Variants in TTC27 observed in about 807,000 individuals in gnomAD.
The protein encoded by TTC27 is tetratricopeptide repeat protein 27.
A neutral mutation model predicts 115.9 loss-of-function variants in TTC27; 79 were observed. That is an observed-to-expected ratio of 0.68 (90% CI 0.57 to 0.82). TTC27 has a LOEUF of 0.82. TTC27 is among the 40% of genes least tolerant of loss of function. TTC27 has a pLI of 0.00. For missense variants in TTC27, 1,054 were observed against 993.1 expected, an observed-to-expected ratio of 1.06 and a Z score of -0.82; for synonymous variants, 401 against 356.0, an observed-to-expected ratio of 1.13 and a Z score of -1.42.
chr2:32,748,951 G>T (rs1331240413), intron 12 of TTC27, among the ~76,000 whole-genome samples: 1 of 152,070 alleles, frequency 6.6e-6, no homozygotes, highest in African/African-American at 2.4e-5. Flanking sequence ...GCTTCCCAAA[G>T]TGCTGGGATT....
rs1328889040 is a variant in TTC27 at position 32,628,177 on chromosome 2, G to A, written c.-116G>A. On this transcript the variant is annotated 5_prime_UTR_variant, in exon 1 of 20. Transcript: ENST00000317907. ...ATTCTAGGGCCGCAGGTGTATTTAC[G>A]GTAACTGTCGCCACTAGATTTCAGC... The A allele has an allele frequency of 1.4e-5, 13 of 933,370 alleles. No individual in the cohort carries two copies. Among genetic ancestry groups the A allele is most frequent in the Non-Finnish European group, 2.2e-5 (13 of 600,618 alleles). 57.8% of individuals were successfully genotyped at this position (933,370 alleles called of 1,614,324 possible).
chr2:32,801,973 G>C lies in TTC27; in HGVS notation c.1999-9051G>C, dbSNP rs1670958623. 2.6e-5 allele frequency among the ~76,000 whole-genome samples: 4 copies of C among 152,216 alleles called. No homozygotes were observed. In the South Asian group the frequency reaches 8.3e-4, roughly 32 times the overall value. On this transcript the variant is annotated intron_variant, in intron 16 of 19. Coordinates refer to ENST00000317907, the MANE Select transcript of TTC27 (RefSeq NM_017735.5). Reference sequence around the variant, plus strand: ...GGTCATGTGGGACAAATTAGGATTTGTGAGAAGTTTCTGTTATTAGTCTTC... The same window carrying C: ...GGTCATGTGGGACAAATTAGGATTTCTGAGAAGTTTCTGTTATTAGTCTTC...
At chr2:32,809,598 A>G (rs1365815945) in intron 16 of TTC27, among the ~76,000 whole-genome samples, 1 of 152,214 alleles carries the variant, frequency 6.6e-6, no homozygotes, top group Non-Finnish European at 1.5e-5. Flanking sequence ...ACTGACTAGC[A>G]TGGTGTTACA....
Position 32,727,026 on chromosome 2 carries a change from A to G in TTC27, c.1234-6802A>G, listed in dbSNP as rs150417211. On this transcript the variant is annotated intron_variant, in intron 10 of 19. Coordinates refer to ENST00000317907, the MANE Select transcript of TTC27 (RefSeq NM_017735.5). ...AGGAAAAACTTGCCCCCGTGATTCA[A>G]TTACCTCCCACCGGGTCCCTCCCAC... Among the ~76,000 whole-genome samples, 524 of 152,242 alleles carry G rather than the reference A, an allele frequency of 3.4e-3. 1 individual carries two copies. The highest frequency in any genetic ancestry group is 4.9e-3 in the Non-Finnish European group (333 of 68,010).
chr2:32,693,375 C>T (rs190352032), intron 9 of TTC27, among the ~76,000 whole-genome samples: 2 of 152,294 alleles, frequency 1.3e-5, no homozygotes, highest in Non-Finnish European at 2.9e-5. Context: ...TGGAATTTCT[C>T]CGGCTCCACC....
intron 10 of TTC27, among the ~76,000 whole-genome samples, chr2:32,708,327 A>G (rs866299902): frequency 1.1e-4 from 2 of 18,104 alleles, no homozygotes; most frequent in Non-Finnish European, 2.1e-4. Context: ...TTTTTTTTTT[A>G]ATGAGATGGA....
intron 12 of TTC27, among the ~76,000 whole-genome samples, chr2:32,743,351 A>T (rs1392490816): frequency 6.6e-6 from 1 of 152,062 alleles, no homozygotes; most frequent in Non-Finnish European, 1.5e-5. Flanking sequence ...CTACCTTTTC[A>T]CTGGAGGCTC....
chr2:32,694,026 T>C (rs1478103525), intron 9 of TTC27, among the ~76,000 whole-genome samples: 2 of 152,214 alleles, frequency 1.3e-5, no homozygotes, highest in Non-Finnish European at 2.9e-5. Flanking sequence ...ACCACCGTTG[T>C]AGAGGCTTTT....
chr2:32,638,292 T>A (rs1216889826), intron 3 of TTC27, among the ~76,000 whole-genome samples: 1 of 152,212 alleles, frequency 6.6e-6, no homozygotes, highest in Non-Finnish European at 1.5e-5. Flanking sequence ...TCATATTAAA[T>A]CTTTATTCCT....
intron 5 of TTC27, among the ~76,000 whole-genome samples, chr2:32,660,160 C>T (rs1238654425): frequency 6.6e-6 from 1 of 152,158 alleles, no homozygotes; most frequent in Non-Finnish European, 1.5e-5. Flanking sequence ...TACTTCTCCA[C>T]ATCTTCTCCA....
intron 5 of TTC27, 125 bp downstream of exon 5, chr2:32,650,358 T>C (rs1306265221): frequency 6.9e-5 from 23 of 332,112 alleles, no homozygotes; most frequent in South Asian, 1.3e-4. Context: ...TGTTTCTTTT[T>C]TTTTTTTTTT....
At chr2:32,631,642 C>T (rs1346997206) in intron 2 of TTC27, among the ~76,000 whole-genome samples, 1 of 152,008 alleles carries the variant, frequency 6.6e-6, no homozygotes, top group East Asian at 1.9e-4. Flanking sequence ...TTTTATTTTA[C>T]CATTATTTCT....
intron 9 of TTC27, among the ~76,000 whole-genome samples, chr2:32,685,493 T>A (rs903792078): frequency 6.6e-6 from 1 of 152,142 alleles, no homozygotes; most frequent in Non-Finnish European, 1.5e-5. Flanking sequence ...AACTATAAAA[T>A]TGGATAAAAT....
intron 9 of TTC27, among the ~76,000 whole-genome samples, chr2:32,702,020 A>AAAAAC (rs1553553239): frequency 0.015 from 2,135 of 145,502 alleles, 41 homozygotes; most frequent in African/African-American, 0.034. Context: ...CAAAAAAAAA[A>AAAAAC]AAAAACAAAA....
chr2:32,763,522 G>C (rs1669518005), intron 13 of TTC27, among the ~76,000 whole-genome samples: 1 of 152,166 alleles, frequency 6.6e-6, no homozygotes, highest in African/African-American at 2.4e-5. Context: ...TCTGGAAAGG[G>C]TTAGGGGGAA....
intron 7 of TTC27, 29 bp from the exon 8 acceptor site, chr2:32,672,243 T>C (rs1666039014): frequency 6.5e-7 from 1 of 1,540,228 alleles, no homozygotes; most frequent in Admixed American, 1.7e-5. Flanking sequence ...TAATTTTTGG[T>C]CTAAGTATTT....
chr2:32,662,876 C>T (rs1265845365), intron 5 of TTC27, among the ~76,000 whole-genome samples: 3 of 152,034 alleles, frequency 2.0e-5, no homozygotes, highest in Non-Finnish European at 2.9e-5. Context: ...GTTAGGGTGT[C>T]GATTTTAGAC....
chr2:32,633,227 G>A (rs1283647921), intron 2 of TTC27, among the ~76,000 whole-genome samples: 7 of 152,254 alleles, frequency 4.6e-5, no homozygotes, highest in East Asian at 1.9e-4. Flanking sequence ...ATAATTTTCC[G>A]TGGAGATAGA....
chr2:32,738,941 T>G (rs535212440), intron 12 of TTC27, among the ~76,000 whole-genome samples: 1 of 152,282 alleles, frequency 6.6e-6, no homozygotes, highest in African/African-American at 2.4e-5. Flanking sequence ...AACTGCCAAA[T>G]TTTTCTGAAT....
Sources: allele counts gnomAD v4.1 joint callset (sites outside exome capture counted in the v4.1 genomes callset), GRCh38; gene constraint gnomAD v4.1.1; transcripts MANE v1.5; gene names NCBI Gene and HGNC (gene_info 2026-07-23, HGNC 2026-07-21).